The following DPF3 variants were observed in gnomAD, a reference collection of about 807,000 sequenced individuals.
The protein encoded by DPF3 is double PHD fingers 3.
Under a neutral mutation model 56.8 loss-of-function variants are expected in DPF3, and 18 were observed. The observed-to-expected ratio is 0.32, with a 90% confidence interval of 0.22 to 0.47. DPF3 has a LOEUF of 0.47. DPF3 is among the 20% of genes least tolerant of loss of function. The pLI is 1.00. For synonymous variants in DPF3, 188 were observed against 180.2 expected (o/e 1.04, Z -0.35); for missense variants, 403 against 488.8 (o/e 0.82, Z 1.65).
chr14:72,879,557 C>T (rs1002017543), intron 1 of DPF3, among the ~76,000 whole-genome samples: 2 of 152,048 alleles, frequency 1.3e-5, no homozygotes, highest in African/African-American at 4.8e-5. Context: ...AAGGGCTCCA[C>T]CAGGGAGAGG....
chr14:72,697,603 T>C (rs1434093333), intron 6 of DPF3, among the ~76,000 whole-genome samples: 1 of 152,172 alleles, frequency 6.6e-6, no homozygotes, highest in African/African-American at 2.4e-5. Flanking sequence ...CAAGGCTTTA[T>C]CCTGACAATG....
chr14:72,748,970 C>T (rs1055569027), intron 3 of DPF3, among the ~76,000 whole-genome samples: 2 of 152,206 alleles, frequency 1.3e-5, no homozygotes, highest in Admixed American at 6.5e-5. Context: ...AGGGAAATGT[C>T]GGGTGGGAGC....
intron 7 of DPF3, among the ~76,000 whole-genome samples, chr14:72,677,578 G>T (rs1473971897): frequency 6.6e-6 from 1 of 152,038 alleles, no homozygotes; most frequent in East Asian, 1.9e-4. Context: ...TCAGGTTGGA[G>T]ACCAGGTCTA....
chr14:72,849,716 A>AGC (rs1884898180), intron 1 of DPF3, among the ~76,000 whole-genome samples: 3 of 152,164 alleles, frequency 2.0e-5, no homozygotes, highest in Admixed American at 6.5e-5. Context: ...GGTGGCCTTT[A>AGC]TCCCAGAGGT....
In DPF3 at chr14:72,687,471, T is replaced by C. The variant is rs533966456; in HGVS notation, c.742+5605A>G. 9.1e-4 allele frequency among the ~76,000 whole-genome samples: 138 copies of C among 152,356 alleles called. 1 individual carries two copies. The highest frequency in any genetic ancestry group is 3.2e-3 in the African/African-American group (132 of 41,576). On this transcript the variant is annotated intron_variant, in intron 7 of 10. Coordinates refer to ENST00000556509, the MANE Select transcript of DPF3 (RefSeq NM_001280542.3). ...TTTTGCCTTCTAGTAATTGCTACTC[T>C]GGCTTCCCACTGTCTATAGGAATAA...
chr14:72,725,482 C>G (rs1022574733), intron 4 of DPF3, among the ~76,000 whole-genome samples: 8 of 151,982 alleles, frequency 5.3e-5, no homozygotes, highest in African/African-American at 1.9e-4. Flanking sequence ...AGCAAACTCC[C>G]TGAGGCAGGG....
intron 2 of DPF3, among the ~76,000 whole-genome samples, chr14:72,768,933 C>CTCTGTGTG (rs1555505130): frequency 6.8e-6 from 1 of 146,398 alleles, no homozygotes; most frequent in African/African-American, 2.5e-5. Flanking sequence ...GTGTGAGTGT[C>CTCTGTGTG]TGTGTGTGTG....
chr14:72,856,389 C>T (rs1303949435), intron 1 of DPF3, among the ~76,000 whole-genome samples: 1 of 152,144 alleles, frequency 6.6e-6, no homozygotes, highest in African/African-American at 2.4e-5. Context: ...CTCAGGGATC[C>T]ATGAGGCACC....
At chr14:72,777,746 CTT>C (rs1212557634) in intron 1 of DPF3, among the ~76,000 whole-genome samples, 1 of 152,102 alleles carries the variant, frequency 6.6e-6, no homozygotes, top group African/African-American at 2.4e-5. Flanking sequence ...CTCTCTCTCT[CTT>C]GCTCCTGTTT....
intron 1 of DPF3, among the ~76,000 whole-genome samples, chr14:72,828,668 A>C (rs1883923990): frequency 6.6e-6 from 1 of 152,018 alleles, no homozygotes; most frequent in South Asian, 2.1e-4. Context: ...TGGGGTGAGG[A>C]GCAATGAAGG....
At chr14:72,748,741 G>A (rs999615613) in intron 3 of DPF3, among the ~76,000 whole-genome samples, 1 of 152,208 alleles carries the variant, frequency 6.6e-6, no homozygotes, top group Non-Finnish European at 1.5e-5. Flanking sequence ...GGCTGAAAGG[G>A]GCCAACATAG....
chr14:72,702,782 G>A (rs1441942866), intron 6 of DPF3, among the ~76,000 whole-genome samples: 2 of 152,088 alleles, frequency 1.3e-5, no homozygotes, highest in Non-Finnish European at 2.9e-5. Context: ...GCTCAGACTG[G>A]GTACGCAGGG....
intron 8 of DPF3, among the ~76,000 whole-genome samples, chr14:72,663,675 C>T (rs916040951): frequency 3.9e-5 from 6 of 152,170 alleles, no homozygotes; most frequent in East Asian, 1.9e-4. Flanking sequence ...ACCCCGGAAG[C>T]AGTTTCTGAA....
At chr14:72,890,889 TA>T (rs1886724616) in intron 1 of DPF3, among the ~76,000 whole-genome samples, 1 of 151,990 alleles carries the variant, frequency 6.6e-6, no homozygotes, top group South Asian at 2.1e-4. Context: ...AATAAGATGT[TA>T]AAGGCGACAA....
intron 7 of DPF3, among the ~76,000 whole-genome samples, chr14:72,680,132 G>A (rs79307906): frequency 0.011 from 1,673 of 152,308 alleles, 43 homozygotes; most frequent in East Asian, 0.078. Flanking sequence ...GAGACTGTGG[G>A]GAAGGCTGGA....
chr14:72,670,033 G>C (rs766197669), intron 8 of DPF3: 9 of 985,908 alleles, frequency 9.1e-6, no homozygotes, highest in South Asian at 4.7e-5. Context: ...CAGGGGCCTT[G>C]AGCAGTGTTG....
In DPF3 at chr14:72,627,751, T is replaced by A. The variant is rs371837490; in HGVS notation, c.984+1873A>T. Among the ~76,000 whole-genome samples the A allele has an allele frequency of 1.3e-3, 200 of 152,260 alleles. 1 individual carries two copies. The highest frequency in any genetic ancestry group is 4.5e-3 in the African/African-American group (189 of 41,588). On this transcript the variant is annotated intron_variant, in intron 9 of 10. Transcript: ENST00000556509. ...TAAATTAACTCAGGAAGAACTGACA[T>A]CTTTATAATGTCAAGTCATTCTATC...
At chr14:72,723,337 G>A (rs567496890) in intron 5 of DPF3, among the ~76,000 whole-genome samples, 3 of 152,206 alleles carry the variant, frequency 2.0e-5, no homozygotes, top group South Asian at 2.1e-4. Context: ...AAGCAGTGGT[G>A]ACAACAGGCA....
chr14:72,734,948 C>T (rs1889827804), intron 3 of DPF3, among the ~76,000 whole-genome samples: 1 of 152,146 alleles, frequency 6.6e-6, no homozygotes, highest in South Asian at 2.1e-4. Context: ...CGTATCAATC[C>T]CCACTACACC....
Sources: allele counts gnomAD v4.1 joint callset (sites outside exome capture counted in the v4.1 genomes callset), GRCh38; gene constraint gnomAD v4.1.1; transcripts MANE v1.5; gene names NCBI Gene and HGNC (gene_info 2026-07-23, HGNC 2026-07-21).